WWC2: variants seen among roughly 807,000 people sequenced by gnomAD.
The protein encoded by WWC2 is protein WWC2.
Under a neutral mutation model 138.5 loss-of-function variants are expected in WWC2, and 101 were observed. The observed-to-expected ratio is 0.73, with a 90% confidence interval of 0.62 to 0.86. The LOEUF (loss-of-function observed/expected upper bound fraction) is 0.86. Among genes scored for constraint, WWC2 ranks in the 40% least tolerant of loss-of-function variants. The probability of loss-of-function intolerance (pLI) is 0.00; values close to 1 mark genes in which losing one functional copy is unlikely to be tolerated. For missense variants in WWC2, 1,420 were observed against 1,419.4 expected (o/e 1.00, Z -0.01); for synonymous variants, 558 against 538.4 (o/e 1.04, Z -0.50).
intron 1 of WWC2, among the ~76,000 whole-genome samples, chr4:183,103,378 A>G (rs1231281187): frequency 2.0e-5 from 3 of 147,642 alleles, no homozygotes; most frequent in Admixed American, 6.8e-5. Context: ...CTGTTGCCCA[A>G]GTTGGAGAGC....
chr4:183,123,983 G>A (rs1039943120), intron 1 of WWC2, among the ~76,000 whole-genome samples: 8 of 152,166 alleles, frequency 5.3e-5, no homozygotes, highest in Middle Eastern at 3.4e-3. Flanking sequence ...AATTCGGAAC[G>A]TTCATTCTTC....
intron 21 of WWC2, among the ~76,000 whole-genome samples, chr4:183,306,227 C>T (rs1251073525): frequency 6.6e-6 from 1 of 152,064 alleles, no homozygotes; most frequent in Non-Finnish European, 1.5e-5. Context: ...TAGGAACAAA[C>T]AACAAGGGCA....
intron 6 of WWC2, among the ~76,000 whole-genome samples, chr4:183,246,841 G>T (rs1056757304): frequency 6.6e-6 from 1 of 151,962 alleles, no homozygotes; most frequent in African/African-American, 2.4e-5. Context: ...GATTAAGTCA[G>T]TCATTCCAGA....
At chr4:183,208,197 T>C (rs1380335638) in intron 3 of WWC2, 41 bp downstream of exon 3, 1 of 1,598,048 alleles carries the variant, frequency 6.3e-7, no homozygotes, top group Admixed American at 1.7e-5. Flanking sequence ...AAGTGGAGAC[T>C]GAATTGTAGA....
At chr4:183,178,248 AAGTTAAAATC>A (rs1734520553) in intron 1 of WWC2, among the ~76,000 whole-genome samples, 1 of 152,100 alleles carries the variant, frequency 6.6e-6, no homozygotes, top group South Asian at 2.1e-4. Context: ...ACTGCAAAAG[AAGTTAAAATC>A]AGGGCCAGAG....
chr4:183,289,350 C>T (rs533552476), intron 20 of WWC2, 43 bp from the exon 21 acceptor site: 8 of 1,589,978 alleles, frequency 5.0e-6, no homozygotes, highest in Non-Finnish European at 6.9e-6. Flanking sequence ...TAACCACTGC[C>T]TGTATAACCA....
intron 1 of WWC2, among the ~76,000 whole-genome samples, chr4:183,143,232 G>A (rs1733355273): frequency 6.6e-6 from 1 of 152,106 alleles, no homozygotes; most frequent in Admixed American, 6.6e-5. Context: ...TCAGAAGAAA[G>A]CCAAACTCTT....
At chr4:183,307,677 C>T (rs1461001730) in intron 21 of WWC2, among the ~76,000 whole-genome samples, 1 of 152,174 alleles carries the variant, frequency 6.6e-6, no homozygotes, top group East Asian at 1.9e-4. Context: ...AACACCTGCT[C>T]ATGCTAAAAA....
At chr4:183,272,854 G>A (rs1737733368) in intron 16 of WWC2, among the ~76,000 whole-genome samples, 1 of 152,168 alleles carries the variant, frequency 6.6e-6, no homozygotes, top group South Asian at 2.1e-4. Flanking sequence ...TCCGTCAGCT[G>A]ATGGGCATTT....
chr4:183,133,517 GACGGAGCCTTGC>G (rs1561429672), intron 1 of WWC2, among the ~76,000 whole-genome samples: 1 of 151,638 alleles, frequency 6.6e-6, no homozygotes, highest in Non-Finnish European at 1.5e-5. Context: ...TTCTTTTTGA[GACGGAGCCTTGC>G]CCTGTCGCCC....
chr4:183,156,541 A>C (rs1453329147), intron 1 of WWC2, among the ~76,000 whole-genome samples: 1 of 152,074 alleles, frequency 6.6e-6, no homozygotes, highest in African/African-American at 2.4e-5. Flanking sequence ...CATGTTGGCC[A>C]GACTGTTTTC....
In WWC2 at chr4:183,315,819, G is replaced by T. The variant is rs1294872793; in HGVS notation, c.*90G>T. The T allele has an allele frequency of 7.8e-6, 8 of 1,023,848 alleles. No individual in the cohort carries two copies. In the Admixed American group the frequency reaches 8.7e-5, roughly 11 times the overall value. The allele number at this position is 1,023,848 out of a possible 1,614,324, so 63.4% of individuals were successfully genotyped here. ...ATTTGTGTTTTTGTTTTGGTGTTTG[G>T]TTTTTTTTGGTAACGTAACTGTCAA... On this transcript the variant is annotated 3_prime_UTR_variant, in exon 23 of 23. Transcript: ENST00000403733.
rs1735494786 is a variant in WWC2 at position 183,208,110 on chromosome 4, G to A, written c.399G>A (p.Val133=). The change falls in exon 3 of 23, where the codon GTG becomes GTA. Residue 133 remains valine (V), a synonymous_variant. Transcript: ENST00000403733. ...TGGCGCTGGCCCTGGATGAATACGT[G>A]CGATTAAATGATGCCTATAAGGAAA... is the stretch of plus-strand genomic sequence containing the variant. The part of the protein sequence containing the change: ...QRLALALDEY[V]RLNDAYKEKS... The A allele has an allele frequency of 8.7e-6, 14 of 1,613,754 alleles. No homozygotes were observed. The highest frequency in any genetic ancestry group is 1.1e-5 in the Non-Finnish European group (13 of 1,179,734).
At chr4:183,247,718 A>ATTATATG in intron 6 of WWC2, among the ~76,000 whole-genome samples, 1 of 139,770 alleles carries the variant, frequency 7.2e-6, no homozygotes, top group African/African-American at 2.7e-5. Flanking sequence ...TGTACTATAT[A>ATTATATG]TACTATATAC....
Position 183,320,030 on chromosome 4 carries a change from T to C in WWC2, c.*4301T>C, listed in dbSNP as rs574928996. 6.2e-7 allele frequency: 1 copy of C among 1,613,982 alleles called. No individual in the cohort carries two copies. Among genetic ancestry groups the C allele is most frequent in the Non-Finnish European group, 8.5e-7 (1 of 1,179,900 alleles). On this transcript the variant is annotated 3_prime_UTR_variant, in exon 23 of 23. Transcript: ENST00000403733. ...CCAGGAAGGAGTCAAAGTCCTTGCA[T>C]TGCATCCCCACTTCCTCTTGGATGA...
intron 2 of WWC2, among the ~76,000 whole-genome samples, chr4:183,206,282 T>C (rs1384186363): frequency 6.6e-6 from 1 of 152,178 alleles, no homozygotes; most frequent in Non-Finnish European, 1.5e-5. Context: ...TGTTTTGCTT[T>C]GTTTTTTAAA....
At chr4:183,312,565 C>T (rs894394243) in intron 22 of WWC2, 97 bp downstream of exon 22, 31 of 1,542,968 alleles carry the variant, frequency 2.0e-5, no homozygotes, top group African/African-American at 2.7e-5. Context: ...TATGAGGATC[C>T]GAGACAGAAG....
At chr4:183,177,181 G>A (rs4469120) in intron 1 of WWC2, among the ~76,000 whole-genome samples, 88,890 of 152,052 alleles carry the variant, frequency 0.58, 26,618 homozygotes, top group Middle Eastern at 0.79. Flanking sequence ...ACTTTAGATA[G>A]ACTCATGCAT....
chr4:183,291,007 C>A (rs754698818), intron 21 of WWC2, among the ~76,000 whole-genome samples: 7 of 152,244 alleles, frequency 4.6e-5, no homozygotes, highest in Non-Finnish European at 1.0e-4. Flanking sequence ...TTACATGTAT[C>A]TATCTTATCC....
Sources: allele counts gnomAD v4.1 joint callset (sites outside exome capture counted in the v4.1 genomes callset), GRCh38; gene constraint gnomAD v4.1.1; transcripts MANE v1.5; gene names NCBI Gene and HGNC (gene_info 2026-07-23, HGNC 2026-07-21).